Variants in NDUFA10 observed in about 807,000 individuals in gnomAD.
NDUFA10 encodes the protein NADH:ubiquinone oxidoreductase subunit A10.
NDUFA10 carries 40 observed loss-of-function variants against 47.8 expected under a neutral mutation model. The ratio of observed to expected loss-of-function variants is 0.84; its 90% CI spans 0.65 to 1.09. NDUFA10 has a LOEUF of 1.09. Ranked by LOEUF, NDUFA10 falls within the 50% of genes least tolerant of loss-of-function variation. The pLI is 0.00. For synonymous variants in NDUFA10, 183 were observed against 172.2 expected, an observed-to-expected ratio of 1.06 and a Z score of -0.49; for missense variants, 413 against 451.1, an observed-to-expected ratio of 0.92 and a Z score of 0.76.
At chr2:239,947,732 G>A (rs1475785519) in intron 4 of NDUFA10, among the ~76,000 whole-genome samples, 4 of 152,194 alleles carry the variant, frequency 2.6e-5, no homozygotes, top group Admixed American at 2.6e-4. Context: ...TATGCAACAG[G>A]CCAGCCCAGC....
intron 9 of NDUFA10, chr2:239,969,477 C>T (rs929692034): frequency 1.7e-5 from 6 of 351,590 alleles, no homozygotes; most frequent in African/African-American, 4.3e-5. Flanking sequence ...CACGGCCACG[C>T]ACGTTACAGA....
chr2:240,007,527 T>G (rs1696991438), intron 6 of NDUFA10, among the ~76,000 whole-genome samples, 157 bp from the exon 7 acceptor site: 1 of 152,220 alleles, frequency 6.6e-6, no homozygotes, highest in Admixed American at 6.5e-5. Context: ...GCATTAGAGC[T>G]TGACTGGTTC....
intron 9 of NDUFA10, among the ~76,000 whole-genome samples, chr2:239,977,047 C>T (rs1319854171): frequency 6.6e-6 from 1 of 152,112 alleles, no homozygotes; most frequent in Non-Finnish European, 1.5e-5. Context: ...CCTTTGACTC[C>T]ATCCAGCCAC....
intron 8 of NDUFA10, among the ~76,000 whole-genome samples, chr2:239,997,572 C>A (rs746507141): frequency 6.6e-6 from 1 of 152,116 alleles, no homozygotes; most frequent in Non-Finnish European, 1.5e-5. Flanking sequence ...CTGTAAAATG[C>A]GTTCATATAC....
intron 3 of NDUFA10, 59 bp downstream of exon 3, chr2:240,021,138 T>A: frequency 6.8e-7 from 1 of 1,476,436 alleles, no homozygotes. Flanking sequence ...TTTAACGTGG[T>A]TGAATTCTAG....
chr2:240,003,139 G>A (rs1311295667), intron 8 of NDUFA10, among the ~76,000 whole-genome samples: 1 of 152,174 alleles, frequency 6.6e-6, no homozygotes, highest in Non-Finnish European at 1.5e-5. Flanking sequence ...CGTGAACGCT[G>A]CCTGGCCAGA....
intron 6 of NDUFA10, 59 bp from the exon 7 acceptor site, chr2:240,007,429 A>G (rs769328862): frequency 8.7e-5 from 99 of 1,132,856 alleles, no homozygotes; most frequent in Non-Finnish European, 1.3e-4. Context: ...AGTTAAATGT[A>G]CAAATGAATA....
At chr2:239,927,717 G>A (rs752117370) in intron 4 of NDUFA10, among the ~76,000 whole-genome samples, 4 of 152,134 alleles carry the variant, frequency 2.6e-5, no homozygotes, top group Non-Finnish European at 4.4e-5. Flanking sequence ...GGTTGCCAGG[G>A]TTAGGGGTGG....
At chr2:240,013,265 G>A (rs1000915709) in intron 5 of NDUFA10, 1 of 152,184 alleles carries the variant, frequency 6.6e-6, no homozygotes, top group Non-Finnish European at 1.5e-5. Context: ...CAGACTTACT[G>A]ATAATGTGAT....
At chr2:239,897,618 A>G (rs545619923) in intron 4 of NDUFA10, among the ~76,000 whole-genome samples, 1 of 152,324 alleles carries the variant, frequency 6.6e-6, no homozygotes, top group South Asian at 2.1e-4. Flanking sequence ...GGCCGAAGAG[A>G]GTCCCAGGCT....
intron 9 of NDUFA10, among the ~76,000 whole-genome samples, chr2:239,977,207 G>T (rs1695562673): frequency 6.6e-6 from 1 of 152,180 alleles, no homozygotes; most frequent in Non-Finnish European, 1.5e-5. Context: ...GAAGGCCACT[G>T]GACCCCAACT....
chr2:239,992,336 A>G (rs1696284436), intron 8 of NDUFA10, among the ~76,000 whole-genome samples: 3 of 152,376 alleles, frequency 2.0e-5, no homozygotes, highest in Middle Eastern at 3.4e-3. Context: ...ATTTTAAAAC[A>G]AGAGTAAGGC....
At chr2:239,951,079 C>T (rs114598383) in intron 4 of NDUFA10, among the ~76,000 whole-genome samples, 1,679 of 152,312 alleles carry the variant, frequency 0.011, 34 homozygotes, top group African/African-American at 0.037. Context: ...GTGAAAAACC[C>T]TAAAACAATG....
At chr2:239,914,960 C>A (rs563995425) in intron 4 of NDUFA10, among the ~76,000 whole-genome samples, 4 of 148,950 alleles carry the variant, frequency 2.7e-5, no homozygotes, top group African/African-American at 1.0e-4. Flanking sequence ...TATAAACATA[C>A]ACACAGAACA....
In NDUFA10 at chr2:240,017,762, C is replaced by T. The variant is rs936624383; in HGVS notation, c.547+791G>A. 49 of 1,444,266 alleles carry T rather than the reference C, an allele frequency of 3.4e-5. No homozygotes were observed. The African/African-American group carries it at 6.5e-4, about 19-fold the overall frequency. The allele number at this position is 1,444,266 out of a possible 1,614,324, so 89.5% of individuals were successfully genotyped here. ...AAGCTCACAGGTGGAGTACCGGCAA[C>T]ACCAGGACACACAAGCAGCCAGAAG... is the stretch of plus-strand genomic sequence containing the variant. On this transcript the variant is annotated intron_variant, in intron 4 of 9. Transcript: ENST00000252711.
chr2:240,011,475 C>T, intron 6 of NDUFA10, 142 bp downstream of exon 6: 2 of 704,980 alleles, frequency 2.8e-6, no homozygotes, highest in Admixed American at 4.8e-5. Flanking sequence ...TCCTGTTTTT[C>T]TTATTTATAA....
At chr2:239,935,448 C>T (rs764014719) in intron 4 of NDUFA10, among the ~76,000 whole-genome samples, 22 of 152,194 alleles carry the variant, frequency 1.4e-4, no homozygotes, top group Non-Finnish European at 3.1e-4. Flanking sequence ...GATCGGGCCT[C>T]GGGGAGCAGC....
At chr2:239,929,188 C>CA (rs1694116209) in intron 4 of NDUFA10, among the ~76,000 whole-genome samples, 1 of 152,228 alleles carries the variant, frequency 6.6e-6, no homozygotes. Flanking sequence ...CCTGACACTG[C>CA]AGTGATGTGC....
At chr2:239,988,349 G>A (rs1364143682) in intron 9 of NDUFA10, among the ~76,000 whole-genome samples, 2 of 152,130 alleles carry the variant, frequency 1.3e-5, no homozygotes, top group East Asian at 3.9e-4. Flanking sequence ...TTCTAAATTG[G>A]TACGCATCTA....
Sources: allele counts gnomAD v4.1 joint callset (sites outside exome capture counted in the v4.1 genomes callset), GRCh38; gene constraint gnomAD v4.1.1; transcripts MANE v1.5; gene names NCBI Gene and HGNC (gene_info 2026-07-23, HGNC 2026-07-21).